The following MME variants were observed in gnomAD, a reference collection of about 807,000 sequenced individuals.
MME encodes the protein neprilysin.
A neutral mutation model predicts 113.2 loss-of-function variants in MME; 98 were observed. The ratio of observed to expected loss-of-function variants is 0.87; its 90% CI spans 0.74 to 1.02. MME has a LOEUF of 1.02. Ranked by LOEUF, MME falls within the 50% of genes least tolerant of loss-of-function variation. The probability of loss-of-function intolerance (pLI) is 0.00; values close to 1 mark genes in which losing one functional copy is unlikely to be tolerated. For synonymous variants in MME, 292 were observed against 300.6 expected (o/e 0.97, Z 0.30); for missense variants, 836 against 896.0 (o/e 0.93, Z 0.86).
At chr3:155,074,202 T>C (rs2108146772) in intron 1 of MME, among the ~76,000 whole-genome samples, 1 of 152,282 alleles carries the variant, frequency 6.6e-6, no homozygotes, top group South Asian at 2.1e-4. Context: ...TCTTAGGATT[T>C]GTTGTTTTCT....
In MME at chr3:155,055,427, G is replaced by A. The variant is rs140536895; in HGVS notation, c.-10-28731G>A. 2.6e-4 allele frequency among the ~76,000 whole-genome samples: 39 copies of A among 152,074 alleles called. 1 individual carries two copies. The highest frequency in any genetic ancestry group is 8.3e-4 in the South Asian group (4 of 4,816). On this transcript the variant is annotated intron_variant, in intron 1 of 22. Coordinates refer to the MME transcript ENST00000492661. ...AGCCTGGTCAACATGGTGAAACCCC[G>A]TCTCTGCAAAAATATAAAAATTAGC...
intron 8 of MME, among the ~76,000 whole-genome samples, chr3:155,132,924 A>T (rs753820414): frequency 6.6e-6 from 1 of 150,392 alleles, no homozygotes; most frequent in Non-Finnish European, 1.5e-5. Flanking sequence ...ATGGTGGCAC[A>T]TGCCTATAAT....
chr3:155,044,745 A>T (rs924407805), intron 1 of MME, among the ~76,000 whole-genome samples: 2 of 152,090 alleles, frequency 1.3e-5, no homozygotes, highest in African/African-American at 4.8e-5. Flanking sequence ...GGGTTGGGAT[A>T]TTTTCCCCCT....
chr3:155,114,941 C>A, intron 3 of MME, 53 bp from the exon 4 acceptor site: 2 of 1,580,236 alleles, frequency 1.3e-6, no homozygotes, highest in Non-Finnish European at 1.7e-6. Context: ...TCCTTTTAAG[C>A]CTCTTAAGAA....
At chr3:155,178,214 C>T (rs1241868426) in intron 22 of MME, among the ~76,000 whole-genome samples, 2 of 151,992 alleles carry the variant, frequency 1.3e-5, no homozygotes, top group South Asian at 2.1e-4. Context: ...GATTATTTTT[C>T]GTCTTTAAGA....
At chr3:155,085,538 T>A (rs1459840909) in intron 3 of MME, 2 of 152,760 alleles carry the variant, frequency 1.3e-5, no homozygotes, top group Non-Finnish European at 2.9e-5. Flanking sequence ...TTTTTTTTAT[T>A]TTTTATATTT....
rs568623413 is a variant in MME, at chr3:155,134,249, A to C, written c.721-3853A>C. On this transcript the variant is annotated intron_variant, in intron 8 of 22. Transcript: ENST00000360490. ...TGACCCCATCACTGAGGTAGTGAGC[A>C]TAGTACCCAATAGTTAGTGTTTCAA... 9.9e-5 allele frequency among the ~76,000 whole-genome samples: 15 copies of C among 152,190 alleles called. No individual in the cohort carries two copies. The South Asian group carries it at 3.1e-3, about 32-fold the overall frequency.
At chr3:155,140,783 G>A (rs918345596) in intron 10 of MME, among the ~76,000 whole-genome samples, 31 of 152,018 alleles carry the variant, frequency 2.0e-4, no homozygotes, top group Admixed American at 1.9e-3. Context: ...TACTAAAACT[G>A]AAAATCTTTC....
upstream of MME, among the ~76,000 whole-genome samples, chr3:155,078,319 G>A (rs1714840114): frequency 6.6e-6 from 1 of 152,168 alleles, no homozygotes; most frequent in African/African-American, 2.4e-5. Flanking sequence ...GGATTGTTGT[G>A]AGGACTAAAT....
intron 1 of MME, among the ~76,000 whole-genome samples, chr3:155,055,424 C>A (rs992367952): frequency 6.6e-6 from 1 of 152,040 alleles, no homozygotes; most frequent in Non-Finnish European, 1.5e-5. Context: ...ATGGTGAAAC[C>A]CCGTCTCTGC....
chr3:155,077,624 C>T (rs569228234), upstream of MME, among the ~76,000 whole-genome samples: 1 of 151,926 alleles, frequency 6.6e-6, no homozygotes, highest in Non-Finnish European at 1.5e-5. Flanking sequence ...GTGGGTAGTC[C>T]AAGCTACTTA....
chr3:155,119,784 T>C (rs1718964076), intron 8 of MME, among the ~76,000 whole-genome samples: 1 of 136,950 alleles, frequency 7.3e-6, no homozygotes, highest in African/African-American at 2.7e-5. Context: ...ATGGTGTATA[T>C]GTGCCACATT....
chr3:155,075,336 A>G (rs1714711113), upstream of MME, among the ~76,000 whole-genome samples: 1 of 151,988 alleles, frequency 6.6e-6, no homozygotes, highest in South Asian at 2.1e-4. Flanking sequence ...TCTCTTTTAA[A>G]CAGAAGACAG....
At chr3:155,061,314 G>A (rs1333614119) in intron 1 of MME, among the ~76,000 whole-genome samples, 1 of 151,890 alleles carries the variant, frequency 6.6e-6, no homozygotes, top group Non-Finnish European at 1.5e-5. Flanking sequence ...AGCTGGGCGT[G>A]GTGGCAGGAG....
intron 3 of MME, among the ~76,000 whole-genome samples, chr3:155,088,854 C>T (rs1295531522): frequency 6.6e-6 from 1 of 152,116 alleles, no homozygotes; most frequent in African/African-American, 2.4e-5. Flanking sequence ...AGGGTGCTTA[C>T]ATTATATGAA....
Position 155,172,573 on chromosome 3 carries a change from A to G in MME, c.2114A>G (p.Asn705Ser). 6.2e-7 allele frequency: 1 copy of G among 1,613,094 alleles called. No homozygotes were observed. The highest frequency in any genetic ancestry group is 2.2e-5 in the East Asian group (1 of 44,840). ...ACCTATAGGCCAGAGTATGCGGTTA[A>G]CTCCATTAAAACAGATGTGCACAGT... ...CGTYRPEYAVNSIKTDVHSPG... is the reference protein window; with the variant it reads ...CGTYRPEYAVSSIKTDVHSPG... Residue 705 changes from asparagine (N) to serine (S), a missense_variant, in exon 22 of 23, where the codon AAC becomes AGC. Transcript: ENST00000360490.
At chr3:155,064,325 T>C (rs188546663) in intron 1 of MME, among the ~76,000 whole-genome samples, 48 of 151,974 alleles carry the variant, frequency 3.2e-4, no homozygotes, top group Non-Finnish European at 5.9e-4. Context: ...AACAAATATA[T>C]GTATATATGT....
chr3:155,029,583 T>C (rs1003959348), intron 1 of MME, among the ~76,000 whole-genome samples: 1 of 151,956 alleles, frequency 6.6e-6, no homozygotes, highest in South Asian at 2.1e-4. Flanking sequence ...GTATCAAAAG[T>C]ATAACAAAAT....
chr3:155,100,117 C>T (rs1717077829), intron 3 of MME, among the ~76,000 whole-genome samples: 1 of 152,092 alleles, frequency 6.6e-6, no homozygotes, highest in East Asian at 1.9e-4. Flanking sequence ...AACAGGCAAC[C>T]TACAGAATGG....
Sources: gnomAD v4.1 joint callset for allele counts (sites outside exome capture counted in the v4.1 genomes callset) on GRCh38, gnomAD v4.1.1 for gene constraint, MANE v1.5 for transcripts, NCBI Gene and HGNC (gene_info 2026-07-23, HGNC 2026-07-21) for gene names.